NRXN1: variants seen among roughly 807,000 people sequenced by gnomAD.
NRXN1 encodes neurexin 1, also known as neurexin-1.
Under a neutral mutation model 150.9 loss-of-function variants are expected in NRXN1, and 39 were observed. That is an observed-to-expected ratio of 0.26 (90% CI 0.20 to 0.34). NRXN1 has a LOEUF of 0.34. NRXN1 is among the 10% of genes least tolerant of loss of function. NRXN1 has a pLI of 1.00. For missense variants in NRXN1, 1,815 were observed against 1,949.9 expected, an observed-to-expected ratio of 0.93 and a Z score of 1.30; for synonymous variants, 924 against 757.0, an observed-to-expected ratio of 1.22 and a Z score of -3.62.
At chr2:50,708,577 C>A (rs1419178327) in intron 5 of NRXN1, among the ~76,000 whole-genome samples, 3 of 152,080 alleles carry the variant, frequency 2.0e-5, no homozygotes, top group Non-Finnish European at 4.4e-5. Context: ...TTGTTGTCCT[C>A]AACAACAGGC....
intron 17 of NRXN1, among the ~76,000 whole-genome samples, chr2:50,385,112 C>T (rs187658092): frequency 2.6e-5 from 4 of 152,242 alleles, no homozygotes; most frequent in Non-Finnish European, 4.4e-5. Context: ...AGCACTTTAG[C>T]GTTTAATCCA....
At chr2:50,063,064 A>C (rs1694794726) in intron 19 of NRXN1, among the ~76,000 whole-genome samples, 1 of 152,188 alleles carries the variant, frequency 6.6e-6, no homozygotes, top group African/African-American at 2.4e-5. Flanking sequence ...AAATGAGAAC[A>C]AGACATTTGG....
At chr2:50,931,270 A>G (rs1038076067) in intron 2 of NRXN1, among the ~76,000 whole-genome samples, 4 of 152,092 alleles carry the variant, frequency 2.6e-5, no homozygotes, top group African/African-American at 4.8e-5. Context: ...ACTAAATATT[A>G]AAATACTCTT....
At chr2:50,881,490 A>G (rs1296590866) in intron 5 of NRXN1, among the ~76,000 whole-genome samples, 5 of 151,936 alleles carry the variant, frequency 3.3e-5, no homozygotes, top group Admixed American at 3.3e-4. Context: ...AACTAATTAA[A>G]CATTAAGAAG....
intron 5 of NRXN1, among the ~76,000 whole-genome samples, chr2:50,832,088 T>C (rs1440712666): frequency 6.6e-6 from 1 of 152,178 alleles, no homozygotes; most frequent in Non-Finnish European, 1.5e-5. Context: ...ATTTTAGGCA[T>C]GCATACGTAC....
intron 17 of NRXN1, among the ~76,000 whole-genome samples, chr2:50,314,649 TAA>T (rs1027509802): frequency 1.3e-5 from 2 of 151,926 alleles, no homozygotes; most frequent in African/African-American, 4.8e-5. Context: ...TAAACCACAT[TAA>T]GAGTGGTTTA....
chr2:50,182,282 C>T (rs1201668484), intron 18 of NRXN1, among the ~76,000 whole-genome samples: 4 of 151,884 alleles, frequency 2.6e-5, no homozygotes, highest in Non-Finnish European at 5.9e-5. Flanking sequence ...CTATAAGGTA[C>T]ATTTCATAAG....
At chr2:50,597,438 C>T (rs950200220) in intron 8 of NRXN1, among the ~76,000 whole-genome samples, 20 of 152,168 alleles carry the variant, frequency 1.3e-4, no homozygotes, top group African/African-American at 4.8e-4. Context: ...TCAGCTAGTG[C>T]CCTACCCTGG....
At chr2:51,005,085 T>C (rs1027587405) in intron 2 of NRXN1, among the ~76,000 whole-genome samples, 22 of 151,942 alleles carry the variant, frequency 1.4e-4, no homozygotes, top group East Asian at 1.9e-4. Flanking sequence ...TCTTTGTTTC[T>C]GCAACTCTTG....
At chr2:50,447,896 G>T (rs1430018020) in intron 17 of NRXN1, among the ~76,000 whole-genome samples, 1 of 150,648 alleles carries the variant, frequency 6.6e-6, no homozygotes, top group Non-Finnish European at 1.5e-5. Context: ...GATGGCAGAA[G>T]CCCCCCATGG....
intron 5 of NRXN1, among the ~76,000 whole-genome samples, chr2:50,834,090 A>G (rs1048014657): frequency 4.6e-5 from 7 of 152,176 alleles, no homozygotes; most frequent in African/African-American, 1.7e-4. Context: ...AATGTACAGT[A>G]ATTGACCTAA....
rs529436770 is a variant in NRXN1, at chr2:50,215,003, A to G, written c.3546+21786T>C. On this transcript the variant is annotated intron_variant, in intron 18 of 22. Coordinates refer to ENST00000401669, the MANE Select transcript of NRXN1 (RefSeq NM_001330078.2). ...TGATTTGCAGCCACATTATTACCTG[A>G]ATTGTACATATCACAGAAATGAGAC... 2.6e-5 allele frequency among the ~76,000 whole-genome samples: 4 copies of G among 152,182 alleles called. No homozygotes were observed. In the East Asian group the frequency reaches 7.8e-4, roughly 30 times the overall value.
chr2:50,871,530 T>A (rs964056939), intron 5 of NRXN1, among the ~76,000 whole-genome samples: 1 of 151,890 alleles, frequency 6.6e-6, no homozygotes, highest in Admixed American at 6.6e-5. Context: ...AATGAGATAA[T>A]TATTCATTCA....
intron 5 of NRXN1, among the ~76,000 whole-genome samples, chr2:50,642,623 A>G (rs940174031): frequency 2.6e-5 from 4 of 152,076 alleles, no homozygotes; most frequent in African/African-American, 9.7e-5. Context: ...TGAATGGTGA[A>G]TTATTGATTG....
At chr2:50,564,568 C>T (rs1482425811) in intron 8 of NRXN1, among the ~76,000 whole-genome samples, 2 of 151,992 alleles carry the variant, frequency 1.3e-5, no homozygotes, top group African/African-American at 4.8e-5. Flanking sequence ...CAGAATGAGA[C>T]AGTCTGTATA....
chr2:50,530,008 C>G (rs1227762578), intron 11 of NRXN1, among the ~76,000 whole-genome samples: 1 of 152,156 alleles, frequency 6.6e-6, no homozygotes, highest in Non-Finnish European at 1.5e-5. Context: ...GGGGTTTCCA[C>G]AAATGCCTTG....
intron 18 of NRXN1, among the ~76,000 whole-genome samples, 186 bp from the exon 19 acceptor site, chr2:50,091,680 C>A (rs1699598629): frequency 6.6e-6 from 1 of 152,196 alleles, no homozygotes; most frequent in South Asian, 2.1e-4. Context: ...TAAGACATCT[C>A]TTTCATGGAT....
chr2:51,005,704 TAA>T (rs1354705073), intron 2 of NRXN1, among the ~76,000 whole-genome samples: 1 of 151,518 alleles, frequency 6.6e-6, no homozygotes, highest in African/African-American at 2.4e-5. Flanking sequence ...AAATAAACCA[TAA>T]GAGAGGAAGT....
chr2:50,057,372 C>G (rs558712926), intron 19 of NRXN1, among the ~76,000 whole-genome samples: 1 of 152,140 alleles, frequency 6.6e-6, no homozygotes, highest in Non-Finnish European at 1.5e-5. Context: ...CTTTCATTAG[C>G]TAACCATTAC....
Sources: gnomAD v4.1 joint callset for allele counts (sites outside exome capture counted in the v4.1 genomes callset) on GRCh38, gnomAD v4.1.1 for gene constraint, MANE v1.5 for transcripts, NCBI Gene and HGNC (gene_info 2026-07-23, HGNC 2026-07-21) for gene names.